Variants in SMAD2 observed in about 807,000 individuals in gnomAD.
The protein encoded by SMAD2 is SMAD family member 2, also known as MAD homolog 2.
Under a neutral mutation model 64.4 loss-of-function variants are expected in SMAD2, and 8 were observed. The observed-to-expected ratio is 0.12, with a 90% CI of 0.07 to 0.22. The LOEUF (loss-of-function observed/expected upper bound fraction) is 0.22. Among genes scored for constraint, SMAD2 ranks in the 10% least tolerant of loss-of-function variants. SMAD2 has a pLI of 1.00. For synonymous variants in SMAD2, 203 were observed against 195.8 expected (o/e 1.04, Z -0.31); for missense variants, 289 against 561.2 (o/e 0.51, Z 4.90).
chr18:47,927,540 C>G (rs2034814523), intron 1 of SMAD2, among the ~76,000 whole-genome samples: 12 of 152,180 alleles, frequency 7.9e-5, no homozygotes, highest in Admixed American at 7.9e-4. Flanking sequence ...ACTTTATTGC[C>G]TAGTCCAGAG....
rs557512281 is a variant in SMAD2 at position 47,818,211 on chromosome 18, C to T, written c.*23616G>A. On this transcript the variant is annotated 3_prime_UTR_variant, in exon 11 of 11. Coordinates refer to ENST00000262160, the MANE Select transcript of SMAD2 (RefSeq NM_005901.6). Reference sequence around the variant, plus strand: ...GTGTTGAGATGAAACTCACTCCTTACGGCATTCCAGCCAAGAACAAAAAGA... The same window carrying T: ...GTGTTGAGATGAAACTCACTCCTTATGGCATTCCAGCCAAGAACAAAAAGA... The T allele has an allele frequency of 4.1e-4, 62 of 151,978 alleles. No individual in the cohort carries two copies. The highest frequency in any genetic ancestry group is 1.4e-3 in the African/African-American group (59 of 41,434). The allele number at this position is 151,978 out of a possible 1,614,324, so 9.4% of individuals were successfully genotyped here.
rs1913808312 is a variant in SMAD2 at position 47,840,189 on chromosome 18, A to C, written c.*1638T>G. On this transcript the variant is annotated 3_prime_UTR_variant, in exon 11 of 11. Transcript: ENST00000262160. Reference sequence around the variant, plus strand: ...CAATAGAAAACCACCAAATGTTGAAAGTATTGAAAATGATACCTATAGAGA... The same window carrying C: ...CAATAGAAAACCACCAAATGTTGAACGTATTGAAAATGATACCTATAGAGA... The C allele has an allele frequency of 8.6e-6, 2 of 233,058 alleles. No homozygotes were observed. Among genetic ancestry groups the C allele is most frequent in the African/African-American group, 2.2e-5 (1 of 45,358 alleles). 14.4% of individuals were successfully genotyped at this position (233,058 alleles called of 1,614,324 possible).
chr18:47,911,265 C>T (rs2034121681), intron 1 of SMAD2, among the ~76,000 whole-genome samples: 2 of 151,578 alleles, frequency 1.3e-5, no homozygotes, highest in African/African-American at 2.4e-5. Context: ...GCAGGAGAAT[C>T]GCTTGAACCT....
chr18:47,881,093 C>T (rs926948190), intron 2 of SMAD2, among the ~76,000 whole-genome samples: 2 of 34,732 alleles, frequency 5.8e-5, no homozygotes, highest in African/African-American at 1.5e-4. Context: ...ACAGAAAATT[C>T]GCCTACGCCA....
chr18:47,864,837 A>G (rs1189379698), intron 6 of SMAD2, among the ~76,000 whole-genome samples: 1 of 152,190 alleles, frequency 6.6e-6, no homozygotes, highest in Non-Finnish European at 1.5e-5. Flanking sequence ...TTACTCTAAT[A>G]AAAAATAACA....
Position 47,821,391 on chromosome 18 carries a change from T to C in SMAD2, c.*20436A>G, listed in dbSNP as rs1912569142. ...TATAACTTGATACTGAAATGTTCTG[T>C]AGAAGGCCTAGAAAAGCAATGTTTT... On this transcript the variant is annotated 3_prime_UTR_variant, in exon 11 of 11. Coordinates refer to ENST00000262160, the MANE Select transcript of SMAD2 (RefSeq NM_005901.6). The C allele has an allele frequency of 6.6e-6, 1 of 152,216 alleles. No homozygotes were observed. Among genetic ancestry groups the C allele is most frequent in the African/African-American group, 2.4e-5 (1 of 41,458 alleles). The allele number at this position is 152,216 out of a possible 1,614,324, so 9.4% of individuals were successfully genotyped here.
At chr18:47,890,980 T>A (rs1049819702) in intron 2 of SMAD2, among the ~76,000 whole-genome samples, 2 of 152,206 alleles carry the variant, frequency 1.3e-5, no homozygotes, top group African/African-American at 4.8e-5. Context: ...ACAGTCTGCA[T>A]AAAGTTACTA....
At chr18:47,908,289 T>C (rs945913241) in intron 1 of SMAD2, among the ~76,000 whole-genome samples, 5 of 152,174 alleles carry the variant, frequency 3.3e-5, no homozygotes, top group Non-Finnish European at 7.4e-5. Context: ...ATCACAAACA[T>C]ACATGAGGCA....
chr18:47,873,220 G>A (rs1044762830), intron 2 of SMAD2, among the ~76,000 whole-genome samples: 6 of 152,164 alleles, frequency 3.9e-5, no homozygotes, highest in Admixed American at 3.3e-4. Flanking sequence ...ATCCCCCTTA[G>A]ATAGTGAGAG....
chr18:47,868,146 T>A (rs1171465341), intron 5 of SMAD2, 177 bp downstream of exon 5: 10 of 602,904 alleles, frequency 1.7e-5, no homozygotes, highest in Non-Finnish European at 2.9e-5. Context: ...CAAACAAAAC[T>A]GTTTAATGTA....
chr18:47,831,249 GTCCAGTTT>G lies in SMAD2; in HGVS notation c.*10570_*10577del, dbSNP rs1017332190. ...ATATAAGCAGTAGCTCAATAACACC[GTCCAGTTT>G]TCATGTATATCCAGACACACAGGTG... On this transcript the variant is annotated 3_prime_UTR_variant, in exon 11 of 11. Transcript: ENST00000262160. 1.3e-5 allele frequency: 2 copies of G among 152,122 alleles called. No homozygotes were observed. Among genetic ancestry groups the G allele is most frequent in the Non-Finnish European group, 2.9e-5 (2 of 68,030 alleles). 9.4% of individuals were successfully genotyped at this position (152,122 alleles called of 1,614,324 possible). A position where few individuals can be genotyped will look rare whatever the true frequency, so the allele number is the denominator to read the frequency against.
Position 47,838,066 on chromosome 18 carries a change from T to C in SMAD2, c.*3761A>G, listed in dbSNP as rs540516032. On this transcript the variant is annotated 3_prime_UTR_variant, in exon 11 of 11. Transcript: ENST00000262160. ...GCTTTTAAGAGGTAGAGAAACCAAC[T>C]GGGTATATATTTTCTTTTATTTGAT... 1.1e-4 allele frequency: 26 copies of C among 233,164 alleles called. No individual in the cohort carries two copies. In the South Asian group the frequency reaches 2.5e-3, roughly 23 times the overall value. The allele number at this position is 233,164 out of a possible 1,614,324, so 14.4% of individuals were successfully genotyped here. A position where few individuals can be genotyped will look rare whatever the true frequency, so the allele number is the denominator to read the frequency against.
intron 1 of SMAD2, among the ~76,000 whole-genome samples, chr18:47,926,096 C>G (rs143918556): frequency 0.025 from 3,822 of 152,308 alleles, 59 homozygotes; most frequent in Non-Finnish European, 0.04. Context: ...ACTGAAACAG[C>G]CTTTCTTTAC....
chr18:47,850,278 TTATA>T (rs1406351689), intron 7 of SMAD2, among the ~76,000 whole-genome samples: 2 of 66,674 alleles, frequency 3.0e-5, no homozygotes, highest in East Asian at 6.8e-4. Context: ...ATATTATATA[TTATA>T]TATATTATGT....
chr18:47,855,312 T>C (rs2030571146), intron 6 of SMAD2, among the ~76,000 whole-genome samples: 1 of 152,250 alleles, frequency 6.6e-6, no homozygotes, highest in Non-Finnish European at 1.5e-5. Context: ...AAAGCTGCTA[T>C]GAACATCAAT....
At chr18:47,923,905 A>G (rs2034658676) in intron 1 of SMAD2, among the ~76,000 whole-genome samples, 1 of 152,178 alleles carries the variant, frequency 6.6e-6, no homozygotes, top group African/African-American at 2.4e-5. Context: ...TTTTTTAAAA[A>G]AAAGTTTAAT....
intron 8 of SMAD2, among the ~76,000 whole-genome samples, chr18:47,848,037 A>AC (rs1914695978): frequency 1.3e-5 from 2 of 152,192 alleles, no homozygotes; most frequent in African/African-American, 4.8e-5. Flanking sequence ...TTTCAGATGA[A>AC]CAGCAAGCAG....
At position 47,834,695 on chromosome 18, in the gene SMAD2, G is replaced by A. The variant is rs1229247235; in HGVS notation, c.*7132C>T. 1 of 220,224 alleles carries A rather than the reference G, an allele frequency of 4.5e-6. No individual in the cohort carries two copies. The highest frequency in any genetic ancestry group is 9.1e-6 in the Non-Finnish European group (1 of 109,934). The allele number at this position is 220,224 out of a possible 1,614,324, so 13.6% of individuals were successfully genotyped here. A position where few individuals can be genotyped will look rare whatever the true frequency, so the allele number is the denominator to read the frequency against. The stretch of plus-strand genomic sequence containing the variant: ...GTTGGTAGTAATCAAGCAAATTAGT[G>A]AGCAGTGTATAAAAGCTCACTCTTG... On this transcript the variant is annotated 3_prime_UTR_variant, in exon 11 of 11. Transcript: ENST00000262160.
Position 47,834,601 on chromosome 18 carries a change from T to G in SMAD2, c.*7226A>C, listed in dbSNP as rs1410621319. 4.8e-6 allele frequency: 1 copy of G among 207,974 alleles called. No homozygotes were observed. The highest frequency in any genetic ancestry group is 9.8e-6 in the Non-Finnish European group (1 of 102,424). The allele number at this position is 207,974 out of a possible 1,614,324, so 12.9% of individuals were successfully genotyped here. On this transcript the variant is annotated 3_prime_UTR_variant, in exon 11 of 11. Transcript: ENST00000262160. ...TATTTTTACATCACTAGCTAATGGCTAGTTCCTCTAAGCTTGCTAAAAGGC... is the reference window on the plus strand; with the variant it reads ...TATTTTTACATCACTAGCTAATGGCGAGTTCCTCTAAGCTTGCTAAAAGGC...
Sources: gnomAD v4.1 joint callset for allele counts (sites outside exome capture counted in the v4.1 genomes callset) on GRCh38, gnomAD v4.1.1 for gene constraint, MANE v1.5 for transcripts, NCBI Gene and HGNC (gene_info 2026-07-23, HGNC 2026-07-21) for gene names.